The following BBS4 variants were observed in gnomAD, a reference collection of about 807,000 sequenced individuals.
BBS4 encodes BBSome complex member BBS4.
A neutral mutation model predicts 71.4 loss-of-function variants in BBS4; 58 were observed. The ratio of observed to expected loss-of-function variants is 0.81; its 90% CI spans 0.66 to 1.01. The LOEUF (loss-of-function observed/expected upper bound fraction) is 1.01, where lower values mean the gene tolerates loss of function less well. BBS4 is among the 50% of genes least tolerant of loss of function. The probability of loss-of-function intolerance (pLI) is 0.00; values close to 1 mark genes in which losing one functional copy is unlikely to be tolerated. For missense variants in BBS4, 660 were observed against 607.9 expected, an observed-to-expected ratio of 1.09 and a Z score of -0.90; for synonymous variants, 228 against 216.8, an observed-to-expected ratio of 1.05 and a Z score of -0.46.
intron 2 of BBS4, among the ~76,000 whole-genome samples, chr15:72,707,028 T>C (rs796288887): frequency 5.7e-4 from 87 of 152,082 alleles, no homozygotes; most frequent in African/African-American, 2.0e-3. Context: ...TGAGTCACAG[T>C]AAGCTTTTTT....
rs1372039324 is a variant in BBS4, at chr15:72,737,834, G to A, written c.*247G>A. The A allele has an allele frequency of 1.9e-6, 1 of 520,556 alleles. No homozygotes were observed. Among genetic ancestry groups the A allele is most frequent in the Non-Finnish European group, 3.7e-6 (1 of 270,014 alleles). 32.2% of individuals were successfully genotyped at this position (520,556 alleles called of 1,614,324 possible). A position where few individuals can be genotyped will look rare whatever the true frequency, so the allele number is the denominator to read the frequency against. On this transcript the variant is annotated 3_prime_UTR_variant, in exon 16 of 16. Transcript: ENST00000268057. ...GAGAACACAGTTCCTTTAAGAACTG[G>A]CAGCAAGGCTTGAGGCCTTATGTAT...
rs2065294150 is a variant in BBS4 at position 72,707,942 on chromosome 15, A to ATT, written c.77-1756_77-1755dup. On this transcript the variant is annotated intron_variant, in intron 2 of 15. Coordinates refer to ENST00000268057, the MANE Select transcript of BBS4 (RefSeq NM_033028.5). ...AAGATTGTGTTTAACTATTTAAAAT[A>ATT]TTTGTGGTACTCTGATCATCAGATG... 2.0e-5 allele frequency among the ~76,000 whole-genome samples: 3 copies of ATT among 150,688 alleles called. No homozygotes were observed. In the South Asian group the frequency reaches 6.3e-4, roughly 32 times the overall value.
In BBS4 at chr15:72,703,725, A is replaced by G. The variant is rs553083809; in HGVS notation, c.77-5975A>G. ...TACATGTCTGCTAGTCCTGGAAGAA[A>G]TCCTTTCTTTGATGAGTATTTTTTT... On this transcript the variant is annotated intron_variant, in intron 2 of 15. Coordinates refer to ENST00000268057, the MANE Select transcript of BBS4 (RefSeq NM_033028.5). 2.0e-5 allele frequency among the ~76,000 whole-genome samples: 3 copies of G among 152,230 alleles called. No homozygotes were observed. In the South Asian group the frequency reaches 6.2e-4, roughly 32 times the overall value.
intron 2 of BBS4, among the ~76,000 whole-genome samples, chr15:72,702,552 CTT>C (rs58374400): frequency 0.12 from 17,804 of 151,838 alleles, 1,655 homozygotes; most frequent in East Asian, 0.46. Context: ...TTTTATATGA[CTT>C]TTTTCTTCCT....
At chr15:72,705,540 A>G (rs1226787073) in intron 2 of BBS4, among the ~76,000 whole-genome samples, 1 of 146,782 alleles carries the variant, frequency 6.8e-6, no homozygotes, top group Non-Finnish European at 1.5e-5. Context: ...CAAATTGAAC[A>G]CTTTTTTCTC....
Position 72,722,810 on chromosome 15 carries a change from T to C in BBS4, c.422T>C (p.Leu141Pro), listed in dbSNP as rs1441900095. 1 of 1,613,880 alleles carries C rather than the reference T, an allele frequency of 6.2e-7. No individual in the cohort carries two copies. The highest frequency in any genetic ancestry group is 8.5e-7 in the Non-Finnish European group (1 of 1,179,866). The change falls in exon 7 of 16, where the codon CTA (leucine) becomes CCA (proline). Residue 141 changes from leucine to proline, a missense_variant. Transcript: ENST00000268057. ...TGAGCCTAGGAGATCAGCCATAACC[T>C]AGGAGTTTGCTACATATACCTGAAG... is the stretch of plus-strand genomic sequence containing the variant. Reference protein sequence around the residue: ...NQKDWEISHNLGVCYIYLKQF... With the variant: ...NQKDWEISHNPGVCYIYLKQF...
At chr15:72,693,064 A>G (rs1441029199) in intron 1 of BBS4, among the ~76,000 whole-genome samples, 4 of 152,182 alleles carry the variant, frequency 2.6e-5, no homozygotes, top group Non-Finnish European at 4.4e-5. Flanking sequence ...ATTAAAAAAT[A>G]CATGTTTACT....
chr15:72,694,948 T>C (rs1167008090), intron 1 of BBS4, among the ~76,000 whole-genome samples: 2 of 152,236 alleles, frequency 1.3e-5, no homozygotes, highest in Non-Finnish European at 2.9e-5. Flanking sequence ...AAAATGCACA[T>C]TGTAAATATT....
Position 72,735,944 on chromosome 15 carries a change from G to A in BBS4, c.1226G>A (p.Ser409Asn). The change falls in exon 14 of 16, where the codon AGC becomes AAC. Residue 409 changes from serine (S) to asparagine (N), a missense_variant. Transcript: ENST00000268057. Reference sequence around the variant, plus strand: ...AAAGTCAGCCTACTCAAGGACAATAGCTCTCTGGAATTTGACTCTGAGGTA... The same window carrying A: ...AAAGTCAGCCTACTCAAGGACAATAACTCTCTGGAATTTGACTCTGAGGTA... ...EKKVSLLKDN[S>N]SLEFDSEMVE... The A allele has an allele frequency of 6.2e-7, 1 of 1,614,028 alleles. No individual in the cohort carries two copies. The highest frequency in any genetic ancestry group is 8.5e-7 in the Non-Finnish European group (1 of 1,180,008).
intron 9 of BBS4, among the ~76,000 whole-genome samples, chr15:72,728,603 T>C (rs951031382): frequency 3.9e-5 from 6 of 152,102 alleles, no homozygotes; most frequent in African/African-American, 1.4e-4. Context: ...CAGATACAAG[T>C]GAGCACTTAG....
intron 8 of BBS4, among the ~76,000 whole-genome samples, chr15:72,727,615 G>A (rs2065727585): frequency 1.3e-5 from 2 of 152,030 alleles, no homozygotes; most frequent in African/African-American, 4.8e-5. Flanking sequence ...AGGCTGACTT[G>A]GTTTATAAAG....
Position 72,709,772 on chromosome 15 carries a change from C to G in BBS4, c.149C>G (p.Ala50Gly), listed in dbSNP as rs1352701769. The G allele has an allele frequency of 3.1e-6, 5 of 1,612,902 alleles. No homozygotes were observed. The highest frequency in any genetic ancestry group is 1.7e-5 in the Admixed American group (1 of 60,016). Residue 50 changes from alanine to glycine, a missense_variant, in exon 3 of 16, where the codon GCC (alanine) becomes GGC (glycine). Coordinates refer to ENST00000268057, the MANE Select transcript of BBS4 (RefSeq NM_033028.5). ...CATTATATCCGGAAAGATTATGAAG[C>G]CTGCAAGGTAAGAGATTGCCATAAT... ...HLHYIRKDYE[A>G]CKAVIKEQLQ...
At chr15:72,698,306 G>A (rs1039480736) in intron 2 of BBS4, among the ~76,000 whole-genome samples, 4 of 152,068 alleles carry the variant, frequency 2.6e-5, no homozygotes, top group Admixed American at 6.6e-5. Context: ...TTACAAAGTT[G>A]TGCAGCCATC....
chr15:72,737,317 T>C (rs2065945307), intron 15 of BBS4, among the ~76,000 whole-genome samples, 161 bp from the exon 16 acceptor site: 2 of 152,228 alleles, frequency 1.3e-5, no homozygotes, highest in Admixed American at 1.3e-4. Context: ...CAAACTTGAC[T>C]GTTGCTTTAT....
rs763417178 is a variant in BBS4, at chr15:72,736,921, C to G, written c.1408C>G (p.Gln470Glu). Residue 470 changes from glutamine (Q) to glutamate (E), a missense_variant, in exon 15 of 16, where the codon CAG becomes GAG. By Grantham distance (29) the Gln-to-Glu change is conservative. Transcript: ENST00000268057. ...QPLGSNQALG[Q>E]AMSSAAAYRT... ...TCTGGGCTCTAATCAAGCTCTAGGACAGGCAATGTCTTCAGCAGCTGCATA... is the reference window on the plus strand; with the variant it reads ...TCTGGGCTCTAATCAAGCTCTAGGAGAGGCAATGTCTTCAGCAGCTGCATA... 1 of 1,614,176 alleles carries G rather than the reference C, an allele frequency of 6.2e-7. No homozygotes were observed. Among genetic ancestry groups the G allele is most frequent in the Admixed American group, 1.7e-5 (1 of 60,016 alleles).
chr15:72,714,503 G>A (rs1478083380), intron 4 of BBS4, among the ~76,000 whole-genome samples: 1 of 152,134 alleles, frequency 6.6e-6, no homozygotes, highest in Non-Finnish European at 1.5e-5. Context: ...TGGGATTACA[G>A]GCATGAACCA....
At chr15:72,691,701 T>TA (rs2064986438) in intron 1 of BBS4, among the ~76,000 whole-genome samples, 1 of 152,158 alleles carries the variant, frequency 6.6e-6, no homozygotes, top group Admixed American at 6.6e-5. Flanking sequence ...TGCAGTGGCT[T>TA]ACGCCTGTAA....
At chr15:72,717,946 T>G (rs2065496500) in intron 6 of BBS4, among the ~76,000 whole-genome samples, 1 of 152,126 alleles carries the variant, frequency 6.6e-6, no homozygotes, top group Non-Finnish European at 1.5e-5. Context: ...TCTTCCAGGT[T>G]CAAGTGATTC....
chr15:72,709,612 T>C (rs1352294624), intron 2 of BBS4, 88 bp from the exon 3 acceptor site: 4 of 926,894 alleles, frequency 4.3e-6, no homozygotes, highest in East Asian at 2.4e-5. Flanking sequence ...TATTGCAGTA[T>C]GTTTATGGTT....
Sources: allele counts gnomAD v4.1 joint callset (sites outside exome capture counted in the v4.1 genomes callset), GRCh38; gene constraint gnomAD v4.1.1; transcripts MANE v1.5; gene names NCBI Gene and HGNC (gene_info 2026-07-23, HGNC 2026-07-21).